Variants in DPP10 observed in about 807,000 individuals in gnomAD.
DPP10 encodes inactive dipeptidyl peptidase 10.
In DPP10, 33 loss-of-function variants were observed where a neutral mutation model predicts 120.9. That is an observed-to-expected ratio of 0.27 (90% confidence interval 0.21 to 0.37). The LOEUF (loss-of-function observed/expected upper bound fraction) is 0.37. Ranked by LOEUF, DPP10 falls within the 10% of genes least tolerant of loss-of-function variation. The probability of loss-of-function intolerance (pLI) is 1.00; values close to 1 mark genes in which losing one functional copy is unlikely to be tolerated. For missense variants in DPP10, 816 were observed against 942.8 expected (o/e 0.87, Z 1.76); for synonymous variants, 337 against 326.1 (o/e 1.03, Z -0.36).
intron 1 of DPP10, among the ~76,000 whole-genome samples, chr2:114,783,002 T>C (rs927597928): frequency 6.6e-6 from 1 of 151,960 alleles, no homozygotes; most frequent in Non-Finnish European, 1.5e-5. Flanking sequence ...AATATGCTAA[T>C]CCAAAAACAT....
chr2:115,441,879 G>A (rs866122906), intron 3 of DPP10, among the ~76,000 whole-genome samples: 2 of 141,644 alleles, frequency 1.4e-5, no homozygotes, highest in African/African-American at 2.7e-5. Flanking sequence ...GCAGTGGCAC[G>A]ATCTCAGCTC....
intron 5 of DPP10, among the ~76,000 whole-genome samples, chr2:115,626,107 A>C (rs978457433): frequency 6.6e-6 from 1 of 151,686 alleles, no homozygotes; most frequent in African/African-American, 2.4e-5. Flanking sequence ...GAGTAGGTGA[A>C]AATGGGATAG....
intron 3 of DPP10, among the ~76,000 whole-genome samples, chr2:115,442,072 A>G (rs927000522): frequency 2.0e-5 from 3 of 151,854 alleles, no homozygotes; most frequent in Non-Finnish European, 4.4e-5. Flanking sequence ...TCGGCCTCCC[A>G]AAGTTCTGGG....
intron 1 of DPP10, among the ~76,000 whole-genome samples, chr2:114,587,427 T>C (rs1691094565): frequency 6.6e-6 from 1 of 152,034 alleles, no homozygotes; most frequent in Non-Finnish European, 1.5e-5. Context: ...TGATCATTTT[T>C]AAACTGATTT....
chr2:115,127,299 GAAT>G (rs908627828), intron 1 of DPP10, among the ~76,000 whole-genome samples: 28 of 152,262 alleles, frequency 1.8e-4, no homozygotes, highest in African/African-American at 6.7e-4. Flanking sequence ...ATAAAATAGA[GAAT>G]ATTATATAAG....
chr2:115,611,244 A>G (rs1007714197), intron 5 of DPP10, among the ~76,000 whole-genome samples: 3 of 152,318 alleles, frequency 2.0e-5, no homozygotes, highest in Non-Finnish European at 4.4e-5. Context: ...TCACTTTTGA[A>G]GAAGAGCGTA....
At chr2:115,365,379 G>A (rs1259554988) in intron 3 of DPP10, among the ~76,000 whole-genome samples, 1 of 151,814 alleles carries the variant, frequency 6.6e-6, no homozygotes, top group African/African-American at 2.4e-5. Context: ...TGGTTTAGGT[G>A]GGCTTCTTAG....
intron 1 of DPP10, among the ~76,000 whole-genome samples, chr2:114,883,366 C>A (rs1691802755): frequency 6.6e-6 from 1 of 152,202 alleles, no homozygotes; most frequent in South Asian, 2.1e-4. Flanking sequence ...TAATTAAATA[C>A]AGTTTGCCTC....
At chr2:115,109,362 C>A (rs1029079960) in intron 1 of DPP10, among the ~76,000 whole-genome samples, 4 of 151,870 alleles carry the variant, frequency 2.6e-5, no homozygotes, top group Non-Finnish European at 5.9e-5. Flanking sequence ...ATGGTGAAAC[C>A]CCATCTCTAC....
intron 3 of DPP10, among the ~76,000 whole-genome samples, chr2:115,470,252 A>AT (rs1436062622): frequency 6.6e-6 from 1 of 152,204 alleles, no homozygotes; most frequent in Non-Finnish European, 1.5e-5. Context: ...ACTTTGAAAC[A>AT]TTAAAGAAGA....
At chr2:115,378,871 T>C (rs1429644117) in intron 3 of DPP10, among the ~76,000 whole-genome samples, 4 of 152,202 alleles carry the variant, frequency 2.6e-5, no homozygotes, top group Non-Finnish European at 4.4e-5. Context: ...TTTGCATATA[T>C]TGAACCAGCC....
intron 1 of DPP10, among the ~76,000 whole-genome samples, chr2:114,579,156 G>A (rs952570211): frequency 1.3e-5 from 2 of 152,194 alleles, no homozygotes; most frequent in Non-Finnish European, 2.9e-5. Context: ...TGAATTTAAT[G>A]TTATTGTTTT....
intron 1 of DPP10, among the ~76,000 whole-genome samples, chr2:115,046,193 CT>C (rs1487834231): frequency 6.6e-6 from 1 of 152,170 alleles, no homozygotes; most frequent in Non-Finnish European, 1.5e-5. Context: ...TTATTTCCAT[CT>C]GTAAAATTAT....
chr2:115,588,030 T>C (rs2082399847), intron 5 of DPP10, among the ~76,000 whole-genome samples: 1 of 152,324 alleles, frequency 6.6e-6, no homozygotes, highest in South Asian at 2.1e-4. Context: ...TAAACTATTA[T>C]ACTTTTTAAA....
intron 1 of DPP10, among the ~76,000 whole-genome samples, chr2:114,677,148 TTTTG>T (rs1336139641): frequency 6.6e-6 from 1 of 152,148 alleles, no homozygotes; most frequent in Non-Finnish European, 1.5e-5. Flanking sequence ...TTTCACTTTC[TTTTG>T]TTTATTTCCG....
At chr2:115,254,431 G>A (rs187468365) in intron 1 of DPP10, among the ~76,000 whole-genome samples, 22 of 152,200 alleles carry the variant, frequency 1.4e-4, no homozygotes, top group Admixed American at 1.4e-3. Flanking sequence ...GATGAGATTT[G>A]GGTGGGGATA....
intron 1 of DPP10, among the ~76,000 whole-genome samples, chr2:114,574,419 A>C (rs1012654207): frequency 6.6e-6 from 1 of 152,222 alleles, no homozygotes; most frequent in African/African-American, 2.4e-5. Flanking sequence ...AAAGGAAAAG[A>C]GAAGCTAATG....
chr2:114,552,824 G>A (rs372527997), intron 1 of DPP10, among the ~76,000 whole-genome samples: 17 of 152,224 alleles, frequency 1.1e-4, no homozygotes, highest in African/African-American at 3.6e-4. Context: ...GGAATTACAG[G>A]CGTGAGCCAC....
At position 115,654,606 on chromosome 2, in the gene DPP10, A is replaced by G. The variant is rs144695031; in HGVS notation, c.442-35081A>G. Among the ~76,000 whole-genome samples the G allele has an allele frequency of 2.8e-3, 423 of 151,616 alleles. 5 individuals carry two copies. The highest frequency in any genetic ancestry group is 9.8e-3 in the African/African-American group (405 of 41,172). On this transcript the variant is annotated intron_variant, in intron 5 of 25. Coordinates refer to ENST00000410059, the MANE Select transcript of DPP10 (RefSeq NM_020868.6). ...TGGGGTGGCTCTTGCATCAGTCACA[A>G]AAAGTGTGGAAATTAAATAATATGC...
Sources: allele counts gnomAD v4.1 joint callset (sites outside exome capture counted in the v4.1 genomes callset), GRCh38; gene constraint gnomAD v4.1.1; transcripts MANE v1.5; gene names NCBI Gene and HGNC (gene_info 2026-07-23, HGNC 2026-07-21).